POLN: variants seen among roughly 807,000 people sequenced by gnomAD.
POLN encodes the protein DNA polymerase nu.
A neutral mutation model predicts 113.5 loss-of-function variants in POLN; 108 were observed. The ratio of observed to expected loss-of-function variants is 0.95; its 90% CI spans 0.81 to 1.12. The LOEUF (loss-of-function observed/expected upper bound fraction) is 1.12, where lower values mean the gene tolerates loss of function less well. Ranked by LOEUF, POLN falls within the 50% of genes most tolerant of loss-of-function variation. The probability of loss-of-function intolerance (pLI) is 0.00; values close to 1 mark genes in which losing one functional copy is unlikely to be tolerated. For synonymous variants in POLN, 386 were observed against 391.5 expected (o/e 0.99, Z 0.17); for missense variants, 1,097 against 1,077.1 (o/e 1.02, Z -0.26).
chr4:2,102,155 C>T (rs1171045065), intron 19 of POLN, among the ~76,000 whole-genome samples: 1 of 152,136 alleles, frequency 6.6e-6, no homozygotes, highest in African/African-American at 2.4e-5. Flanking sequence ...CCTCCCTAGC[C>T]CTTCACCAAG....
chr4:2,197,491 C>T (rs1733609374), intron 6 of POLN, among the ~76,000 whole-genome samples: 2 of 152,132 alleles, frequency 1.3e-5, no homozygotes, highest in South Asian at 4.1e-4. Flanking sequence ...CCACAGGAGG[C>T]AGGGTCCAGG....
chr4:2,091,849 A>G (rs1730674603), intron 20 of POLN, among the ~76,000 whole-genome samples: 2 of 149,614 alleles, frequency 1.3e-5, no homozygotes, highest in South Asian at 4.2e-4. Flanking sequence ...CACTCCCTTC[A>G]CTCCCTTTTC....
At chr4:2,196,123 T>C (rs576379814) in intron 6 of POLN, among the ~76,000 whole-genome samples, 3 of 152,218 alleles carry the variant, frequency 2.0e-5, no homozygotes, top group African/African-American at 4.8e-5. Context: ...CTGAAAAAAA[T>C]CGAATATTTT....
At chr4:2,136,854 T>C (rs375533613) in intron 16 of POLN, among the ~76,000 whole-genome samples, 3 of 152,368 alleles carry the variant, frequency 2.0e-5, no homozygotes, top group African/African-American at 7.2e-5. Context: ...GTGTTGACTA[T>C]GTCCTTGCAG....
At chr4:2,221,724 T>A (rs1324299509) in intron 3 of POLN, among the ~76,000 whole-genome samples, 1 of 152,106 alleles carries the variant, frequency 6.6e-6, no homozygotes, top group Non-Finnish European at 1.5e-5. Context: ...TACAGGCACC[T>A]GCCACCATGC....
chr4:2,161,234 G>T (rs1732579205), intron 13 of POLN, among the ~76,000 whole-genome samples: 1 of 152,254 alleles, frequency 6.6e-6, no homozygotes, highest in Non-Finnish European at 1.5e-5. Context: ...GGCCAAGGCG[G>T]GAGCCGGCTC....
At chr4:2,167,230 A>C (rs1167381589) in intron 13 of POLN, among the ~76,000 whole-genome samples, 1 of 152,010 alleles carries the variant, frequency 6.6e-6, no homozygotes, top group Non-Finnish European at 1.5e-5. Flanking sequence ...CGCAGAAGCA[A>C]CTCCCAGAAA....
At chr4:2,201,277 C>CAAAAAAAAAAAAAAA (rs35399602) in intron 5 of POLN, among the ~76,000 whole-genome samples, 1 of 15,834 alleles carries the variant, frequency 6.3e-5, no homozygotes, top group African/African-American at 4.8e-4. Flanking sequence ...CCTACCACTC[C>CAAAAAAAAAAAAAAA]AAAAAAAAAA....
At chr4:2,086,699 C>A (rs1730558735) in intron 20 of POLN, among the ~76,000 whole-genome samples, 1 of 152,178 alleles carries the variant, frequency 6.6e-6, no homozygotes, top group Non-Finnish European at 1.5e-5. Flanking sequence ...AGCCTTGGCC[C>A]TGGGGAGTGC....
chr4:2,096,726 GAGAGAC>G (rs1358278234), intron 19 of POLN, among the ~76,000 whole-genome samples: 42 of 147,702 alleles, frequency 2.8e-4, no homozygotes, highest in East Asian at 1.2e-3. Flanking sequence ...GAGAGAGAGA[GAGAGAC>G]ACACAGAGAG....
chr4:2,101,454 G>A (rs574290018), intron 19 of POLN, among the ~76,000 whole-genome samples: 26 of 152,328 alleles, frequency 1.7e-4, no homozygotes, highest in African/African-American at 6.0e-4. Flanking sequence ...GGCCCGGACG[G>A]GCTGGGAACC....
intron 19 of POLN, among the ~76,000 whole-genome samples, chr4:2,101,073 G>T (rs1157228692): frequency 6.6e-6 from 1 of 151,748 alleles, no homozygotes; most frequent in Admixed American, 6.6e-5. Context: ...CACCATGGTG[G>T]AAAAAATCAA....
chr4:2,111,350 C>T (rs958207989), intron 19 of POLN, among the ~76,000 whole-genome samples: 8 of 151,674 alleles, frequency 5.3e-5, no homozygotes, highest in Non-Finnish European at 8.9e-5. Context: ...TGCCCTCTCT[C>T]ACCACTCCTA....
intron 2 of POLN, chr4:2,240,514 T>C (rs1734941639): frequency 2.5e-6 from 4 of 1,613,892 alleles, no homozygotes; most frequent in Non-Finnish European, 3.4e-6. Context: ...AGCTTTTTAG[T>C]GGCTTCTTCT....
chr4:2,145,393 A>T (rs1300161669), intron 16 of POLN, among the ~76,000 whole-genome samples: 1 of 152,200 alleles, frequency 6.6e-6, no homozygotes, highest in Non-Finnish European at 1.5e-5. Flanking sequence ...CTGGGAGAAG[A>T]TAATTATATA....
At chr4:2,160,174 T>C (rs1039060358) in intron 13 of POLN, among the ~76,000 whole-genome samples, 2 of 152,248 alleles carry the variant, frequency 1.3e-5, no homozygotes, top group Non-Finnish European at 2.9e-5. Context: ...GATCTCTCAC[T>C]GTAGTTTTAG....
chr4:2,241,180 C>T (rs998415537), intron 2 of POLN: 3 of 420,032 alleles, frequency 7.1e-6, no homozygotes, highest in Non-Finnish European at 8.3e-6. Flanking sequence ...ACATGATATC[C>T]GAGAGCGGGA....
intron 11 of POLN, among the ~76,000 whole-genome samples, chr4:2,171,875 T>A (rs12510950): frequency 0.84 from 127,598 of 152,174 alleles, 54,769 homozygotes; most frequent in Non-Finnish European, 0.94. Context: ...AAACTTAAAG[T>A]AGTAAAAATA....
intron 23 of POLN, chr4:2,079,294 C>T: frequency 1.7e-6 from 1 of 572,338 alleles, no homozygotes; most frequent in Non-Finnish European, 2.2e-6. Context: ...CTTTCAGTTC[C>T]TGCCAAGACG....
Sources: gnomAD v4.1 joint callset for allele counts (sites outside exome capture counted in the v4.1 genomes callset) on GRCh38, gnomAD v4.1.1 for gene constraint, MANE v1.5 for transcripts, NCBI Gene and HGNC (gene_info 2026-07-23, HGNC 2026-07-21) for gene names.